DDR2: variants seen among roughly 807,000 people sequenced by gnomAD.
The protein encoded by DDR2 is discoidin domain receptor tyrosine kinase 2.
In DDR2, 27 loss-of-function variants were observed where a neutral mutation model predicts 94.9. The observed-to-expected ratio is 0.28, with a 90% CI of 0.21 to 0.39. DDR2 has a LOEUF of 0.39. DDR2 is among the 10% of genes least tolerant of loss of function. The pLI, the probability that DDR2 is intolerant of heterozygous loss-of-function variation, is 1.00. For missense variants in DDR2, 783 were observed against 1,076.0 expected (o/e 0.73, Z 3.81); for synonymous variants, 382 against 377.2 (o/e 1.01, Z -0.15).
At chr1:162,652,873 G>A (rs892779519) in intron 1 of DDR2, among the ~76,000 whole-genome samples, 1 of 152,150 alleles carries the variant, frequency 6.6e-6, no homozygotes, top group African/African-American at 2.4e-5. Flanking sequence ...GGGAGGCTGA[G>A]GTGGGAGGAT....
intron 7 of DDR2, among the ~76,000 whole-genome samples, chr1:162,757,223 C>T (rs539054977): frequency 2.6e-5 from 4 of 152,192 alleles, no homozygotes; most frequent in East Asian, 1.9e-4. Flanking sequence ...AAAAGCATTT[C>T]GTAAGATAAA....
At chr1:162,775,447 T>C (rs1647480256) in intron 14 of DDR2, among the ~76,000 whole-genome samples, 1 of 152,064 alleles carries the variant, frequency 6.6e-6, no homozygotes, top group African/African-American at 2.4e-5. Flanking sequence ...CTCAAAAACA[T>C]TACAATTGAA....
At chr1:162,680,762 TA>T (rs747260429) in intron 2 of DDR2, among the ~76,000 whole-genome samples, 7 of 152,224 alleles carry the variant, frequency 4.6e-5, no homozygotes, top group Non-Finnish European at 8.8e-5. Flanking sequence ...CCTTAAAGAC[TA>T]TTTTTTTAAG....
In DDR2 at chr1:162,678,675, C is replaced by T. The variant is rs537946451; in HGVS notation, c.-28+23301C>T. On this transcript the variant is annotated intron_variant, in intron 2 of 17. Coordinates refer to ENST00000367921, the MANE Select transcript of DDR2 (RefSeq NM_006182.4). Reference sequence around the variant, plus strand: ...TGTCCTGGAGGGCAGATAGACTAGCCTTCCCCAGGTAACCTTGTATCTTCC... The same window carrying T: ...TGTCCTGGAGGGCAGATAGACTAGCTTTCCCCAGGTAACCTTGTATCTTCC... Among the ~76,000 whole-genome samples the T allele has an allele frequency of 3.9e-5, 6 of 152,336 alleles. No homozygotes were observed. The South Asian group carries it at 1.2e-3, about 32-fold the overall frequency.
At chr1:162,661,429 T>C (rs970115953) in intron 2 of DDR2, among the ~76,000 whole-genome samples, 2 of 152,230 alleles carry the variant, frequency 1.3e-5, no homozygotes, top group Non-Finnish European at 2.9e-5. Context: ...GCCTATTCAC[T>C]GGGCAGACTG....
At chr1:162,639,511 G>A (rs565184831) in intron 1 of DDR2, among the ~76,000 whole-genome samples, 44 of 152,286 alleles carry the variant, frequency 2.9e-4, no homozygotes, top group Admixed American at 1.2e-3. Flanking sequence ...AGACCAAAAT[G>A]TAAATGCAAA....
intron 3 of DDR2, among the ~76,000 whole-genome samples, chr1:162,748,428 A>T (rs1268237183): frequency 2.0e-5 from 3 of 152,240 alleles, no homozygotes; most frequent in African/African-American, 7.2e-5. Context: ...TGGTAAAGGG[A>T]TCAATTCAAC....
chr1:162,765,812 A>T (rs1001939767), intron 9 of DDR2, among the ~76,000 whole-genome samples, 189 bp from the exon 10 acceptor site: 1 of 150,200 alleles, frequency 6.7e-6, no homozygotes, highest in Non-Finnish European at 1.5e-5. Context: ...TTTACAAAGG[A>T]AAACTTGCTT....
At chr1:162,667,262 T>TA (rs1446665669) in intron 2 of DDR2, among the ~76,000 whole-genome samples, 1 of 152,178 alleles carries the variant, frequency 6.6e-6, no homozygotes, top group Non-Finnish European at 1.5e-5. Context: ...CTTGAACACT[T>TA]ATTATTCTCT....
In DDR2 at chr1:162,754,939, T is replaced by G. The variant is rs572147333; in HGVS notation, c.417+84T>G. ...GGAGAAGAAGGGTACAGGTTTTCTG[T>G]GTGGATATGTGTGTCCACAGACCAG... is the stretch of plus-strand genomic sequence containing the variant. On this transcript the variant is annotated intron_variant, in intron 5 of 17. Transcript: ENST00000367921. The G allele has an allele frequency of 1.3e-5, 20 of 1,521,800 alleles. No homozygotes were observed. In the South Asian group the frequency reaches 2.1e-4, roughly 16 times the overall value. 94.3% of individuals were successfully genotyped at this position (1,521,800 alleles called of 1,614,324 possible).
chr1:162,774,534 A>C (rs189232509), intron 14 of DDR2, among the ~76,000 whole-genome samples: 283 of 152,294 alleles, frequency 1.9e-3, no homozygotes, highest in African/African-American at 6.5e-3. Context: ...TTAACTGATA[A>C]TTTCAATCTT....
chr1:162,770,715 G>A (rs776522418), intron 12 of DDR2: 3 of 710,438 alleles, frequency 4.2e-6, no homozygotes, highest in East Asian at 2.7e-5. Flanking sequence ...AATATAAGAT[G>A]TGTGGAGGGA....
chr1:162,650,057 A>T (rs2101900996), intron 1 of DDR2, among the ~76,000 whole-genome samples: 1 of 152,246 alleles, frequency 6.6e-6, no homozygotes, highest in South Asian at 2.1e-4. Flanking sequence ...GAGCCCCAAC[A>T]TTCTGTCTTC....
At chr1:162,725,989 A>G (rs1385028552) in intron 3 of DDR2, among the ~76,000 whole-genome samples, 2 of 152,238 alleles carry the variant, frequency 1.3e-5, no homozygotes, top group African/African-American at 4.8e-5. Context: ...TGAAAAGACT[A>G]TTAGCAGACC....
At chr1:162,734,978 A>G (rs577489102) in intron 3 of DDR2, among the ~76,000 whole-genome samples, 1 of 152,326 alleles carries the variant, frequency 6.6e-6, no homozygotes, top group South Asian at 2.1e-4. Context: ...ATGGGAGGTC[A>G]TGGAGGTTGC....
chr1:162,652,552 C>T (rs1657752594), intron 1 of DDR2, among the ~76,000 whole-genome samples: 1 of 152,210 alleles, frequency 6.6e-6, no homozygotes, highest in South Asian at 2.1e-4. Flanking sequence ...CCTGAAAAGC[C>T]AGCTAAGTCC....
Position 162,759,893 on chromosome 1 carries a change from G to T in DDR2, c.769G>T (p.Val257Leu), listed in dbSNP as rs768261759. The change falls in exon 8 of 18, where the codon GTG becomes TTG. Residue 257 changes from valine to leucine, a missense_variant. Coordinates refer to ENST00000367921, the MANE Select transcript of DDR2 (RefSeq NM_006182.4). ...EYHVWPGYDYVGWRNESATNG... is the reference protein window; with the variant it reads ...EYHVWPGYDYLGWRNESATNG... ...CCACGTGTGGCCCGGCTATGACTAT[G>T]TGGGCTGGCGGAACGAGAGTGCCAC... The T allele has an allele frequency of 2.5e-6, 4 of 1,614,168 alleles. No individual in the cohort carries two copies. Among genetic ancestry groups the T allele is most frequent in the Middle Eastern group, 1.6e-4 (1 of 6,062 alleles).
In DDR2 at chr1:162,724,779, C is replaced by T. The variant is rs115843939; in HGVS notation, c.82+5634C>T. ...TGTATGTGTGTGTGTAGGTGGGTGGCGCGGGGGTGTAGTGTGTGTTAGACA... is the reference window on the plus strand; with the variant it reads ...TGTATGTGTGTGTGTAGGTGGGTGGTGCGGGGGTGTAGTGTGTGTTAGACA... On this transcript the variant is annotated intron_variant, in intron 3 of 17. Transcript: ENST00000367921. 6.6e-3 allele frequency among the ~76,000 whole-genome samples: 995 copies of T among 151,146 alleles called. 13 individuals carry two copies. The highest frequency in any genetic ancestry group is 6.8e-3 in the Middle Eastern group (2 of 294).
At chr1:162,765,139 C>G (rs147501975) in intron 9 of DDR2, among the ~76,000 whole-genome samples, 1 of 152,164 alleles carries the variant, frequency 6.6e-6, no homozygotes, top group Non-Finnish European at 1.5e-5. Context: ...CAGGGATTCT[C>G]CTGGCATAGT....
Sources: allele counts gnomAD v4.1 joint callset (sites outside exome capture counted in the v4.1 genomes callset), GRCh38; gene constraint gnomAD v4.1.1; transcripts MANE v1.5; gene names NCBI Gene and HGNC (gene_info 2026-07-23, HGNC 2026-07-21).